Variants in TEX51 observed in about 807,000 individuals in gnomAD.
TEX51 encodes the protein testis expressed 51.
In TEX51, 14 loss-of-function variants were observed where a neutral mutation model predicts 8.0. That is an observed-to-expected ratio of 1.76 (90% CI 1.16 to 2.75). The LOEUF is 2.75. TEX51 is among the 30% of genes most tolerant of loss of function. The pLI, the probability that TEX51 is intolerant of heterozygous loss-of-function variation, is 0.00. For missense variants in TEX51, 142 were observed against 77.4 expected (o/e 1.83, Z -3.13); for synonymous variants, 58 against 28.6 (o/e 2.03, Z -3.29).
At position 126,898,903 on chromosome 2, in the gene TEX51, A is replaced by G. The variant is rs1024465115; in HGVS notation, c.-16A>G. 2.3e-5 allele frequency: 16 copies of G among 696,146 alleles called. No individual in the cohort carries two copies. The African/African-American group carries it at 2.8e-4, about 12-fold the overall frequency. The allele number at this position is 696,146 out of a possible 1,614,324, so 43.1% of individuals were successfully genotyped here. ...TCCAGGCAGGGCACTGGGGCACAGT[A>G]GGAGGAACCCAGAAGATGCTGCCTC... On this transcript the variant is annotated 5_prime_UTR_variant, in exon 1 of 7. Coordinates refer to ENST00000568484, the MANE Select transcript of TEX51 (RefSeq NM_001322244.2).
chr2:126,900,892 G>A (rs1019810265), intron 4 of TEX51, among the ~76,000 whole-genome samples: 3 of 152,130 alleles, frequency 2.0e-5, no homozygotes, highest in African/African-American at 7.2e-5. Context: ...CCCTTGAACT[G>A]ATCCCTTATT....
In TEX51 at chr2:126,902,053, A is replaced by C; in HGVS notation, c.*184A>C. On this transcript the variant is annotated 3_prime_UTR_variant, in exon 7 of 7. Transcript: ENST00000568484. ...TGTCTCGTGGTTTGCCTACTCCTACACCTTTGTAAAGAGTCTCTTCATTAA... is the reference window on the plus strand; with the variant it reads ...TGTCTCGTGGTTTGCCTACTCCTACCCCTTTGTAAAGAGTCTCTTCATTAA... 1 of 470,410 alleles carries C rather than the reference A, an allele frequency of 2.1e-6. No homozygotes were observed. The highest frequency in any genetic ancestry group is 3.8e-6 in the Non-Finnish European group (1 of 266,410). 29.1% of individuals were successfully genotyped at this position (470,410 alleles called of 1,614,324 possible). A position where few individuals can be genotyped will look rare whatever the true frequency, so the allele number is the denominator to read the frequency against.
In TEX51 at chr2:126,901,963, C is replaced by A; in HGVS notation, c.*94C>A. On this transcript the variant is annotated 3_prime_UTR_variant, in exon 7 of 7. Coordinates refer to ENST00000568484, the MANE Select transcript of TEX51 (RefSeq NM_001322244.2). Reference sequence around the variant, plus strand: ...ACTCATCTCTGGGTCCCGGTGACCCCATCCCCCCATACCCTCCATCCTGGG... The same window carrying A: ...ACTCATCTCTGGGTCCCGGTGACCCAATCCCCCCATACCCTCCATCCTGGG... 1.5e-6 allele frequency: 1 copy of A among 662,300 alleles called. No individual in the cohort carries two copies. 41.0% of individuals were successfully genotyped at this position (662,300 alleles called of 1,614,324 possible). A position where few individuals can be genotyped will look rare whatever the true frequency, so the allele number is the denominator to read the frequency against.
rs1553435112 is a variant in TEX51 at position 126,899,227 on chromosome 2, T to A, written c.156T>A (p.His52Gln). 1 of 702,088 alleles carries A rather than the reference T, an allele frequency of 1.4e-6. No individual in the cohort carries two copies. Among genetic ancestry groups the A allele is most frequent in the South Asian group, 1.5e-5 (1 of 67,572 alleles). 43.5% of individuals were successfully genotyped at this position (702,088 alleles called of 1,614,324 possible). A position where few individuals can be genotyped will look rare whatever the true frequency, so the allele number is the denominator to read the frequency against. The change falls in exon 2 of 7, where the codon CAT becomes CAA. Residue 52 changes from histidine to glutamine, a missense_variant. Transcript: ENST00000568484. ...GTATCTCATCCTCAGATCGTGACCA[T>A]TTGGAAGAAGAAACAGCCAAATTCT... ...PPTELSQNRD[H>Q]LEEETAKFFT...
chr2:126,901,691 C>T (rs1027296934), intron 6 of TEX51, among the ~76,000 whole-genome samples, 181 bp from the exon 7 acceptor site: 4 of 152,196 alleles, frequency 2.6e-5, no homozygotes, highest in Admixed American at 2.0e-4. Flanking sequence ...CCCTGCACAC[C>T]CCACCTTCAC....
intron 1 of TEX51, 69 bp downstream of exon 1, chr2:126,899,132 G>C (rs1212024557): frequency 2.9e-6 from 2 of 701,158 alleles, no homozygotes; most frequent in African/African-American, 3.5e-5. Flanking sequence ...GGCACAGCCA[G>C]GAGATCAGGG....
chr2:126,900,105 C>T lies in TEX51; in HGVS notation c.394+86C>T, dbSNP rs188172981. ...GCTGTCTCTGTCATTCTCTTTTGCC[C>T]AACTCAAGCTTTTCTTGTTCTTTAT... is the stretch of plus-strand genomic sequence containing the variant. On this transcript the variant is annotated intron_variant, in intron 4 of 6. Coordinates refer to ENST00000568484, the MANE Select transcript of TEX51 (RefSeq NM_001322244.2). The T allele has an allele frequency of 7.2e-4, 499 of 690,832 alleles. 1 individual carries two copies. The highest frequency in any genetic ancestry group is 1.1e-3 in the Non-Finnish European group (404 of 378,028). 42.8% of individuals were successfully genotyped at this position (690,832 alleles called of 1,614,324 possible).
At chr2:126,899,095 T>G (rs1271429255) in intron 1 of TEX51, 32 bp downstream of exon 1, 3 of 701,282 alleles carry the variant, frequency 4.3e-6, no homozygotes, top group Non-Finnish European at 7.8e-6. Context: ...AGGATAATAA[T>G]TTTCTCAAAC....
chr2:126,901,174 GC>G (rs1401818363), intron 4 of TEX51, 35 bp from the exon 5 acceptor site: 1 of 612,484 alleles, frequency 1.6e-6, no homozygotes, highest in Non-Finnish European at 2.9e-6. Flanking sequence ...GCCCTGCCTG[GC>G]CTCCAAACAC....
At chr2:126,900,441 A>G (rs1301716530) in intron 4 of TEX51, among the ~76,000 whole-genome samples, 8 of 151,782 alleles carry the variant, frequency 5.3e-5, no homozygotes, top group Non-Finnish European at 1.0e-4. Context: ...AAAAATGCCC[A>G]ATCCCATCAA....
rs1231855424 is a variant in TEX51, at chr2:126,899,484, T to A, written c.221-39T>A. ...GTCTGAAAACCCAACCTTGAGCAAG[T>A]TGTAACCCTGAACACCCCTTCCCTC... On this transcript the variant is annotated intron_variant, in intron 2 of 6. Coordinates refer to ENST00000568484, the MANE Select transcript of TEX51 (RefSeq NM_001322244.2). 7 of 690,964 alleles carry A rather than the reference T, an allele frequency of 1.0e-5. No homozygotes were observed. The East Asian group carries it at 1.9e-4, about 19-fold the overall frequency. 42.8% of individuals were successfully genotyped at this position (690,964 alleles called of 1,614,324 possible).
rs934221560 is a variant in TEX51 at position 126,901,533 on chromosome 2, G to A, written c.*2+129G>A. ...GGGTCTGGCGTGCAGAACAGAGTGG[G>A]ATCGAGGGCCAGGACTCTCAGGAGT... On this transcript the variant is annotated intron_variant, in intron 6 of 6. Coordinates refer to ENST00000568484, the MANE Select transcript of TEX51 (RefSeq NM_001322244.2). 9.5e-6 allele frequency: 6 copies of A among 632,410 alleles called. No homozygotes were observed. In the African/African-American group the frequency reaches 1.1e-4, roughly 12 times the overall value. The allele number at this position is 632,410 out of a possible 1,614,324, so 39.2% of individuals were successfully genotyped here.
intron 4 of TEX51, 68 bp from the exon 5 acceptor site, chr2:126,901,142 G>C: frequency 3.3e-6 from 2 of 600,074 alleles, no homozygotes; most frequent in Non-Finnish European, 6.0e-6. Context: ...GAGGATGGTG[G>C]CCTTCTCTCT....
intron 6 of TEX51, 74 bp from the exon 7 acceptor site, chr2:126,901,798 G>A: frequency 1.8e-6 from 1 of 568,522 alleles, no homozygotes; most frequent in Non-Finnish European, 3.1e-6. Flanking sequence ...CCAGGAGGAA[G>A]TTAGAGAGAC....
At chr2:126,900,375 C>T (rs13411697) in intron 4 of TEX51, among the ~76,000 whole-genome samples, 9,443 of 141,748 alleles carry the variant, frequency 0.067, 444 homozygotes, top group African/African-American at 0.13. Flanking sequence ...GGCTGGGCAA[C>T]AGAGCAAGAC....
chr2:126,899,499 C>A (rs1247902434), intron 2 of TEX51, 24 bp from the exon 3 acceptor site: 6 of 695,716 alleles, frequency 8.6e-6, no homozygotes, highest in South Asian at 6.1e-5. Context: ...ACCCTGAACA[C>A]CCCTTCCCTC....
At chr2:126,899,708 C>T (rs1680220443) in intron 3 of TEX51, 96 bp downstream of exon 3, 1 of 695,328 alleles carries the variant, frequency 1.4e-6, no homozygotes, top group Non-Finnish European at 2.6e-6. Flanking sequence ...CCTCGATCAT[C>T]CCCAGGAGCC....
At chr2:126,901,596 G>A (rs112158574) in intron 6 of TEX51, 192 bp downstream of exon 6, 8 of 602,010 alleles carry the variant, frequency 1.3e-5, no homozygotes, top group African/African-American at 5.6e-5. Context: ...ACATATTGGG[G>A]CCAGGGGCCC....
intron 1 of TEX51, 51 bp downstream of exon 1, chr2:126,899,114 C>T: frequency 1.4e-6 from 1 of 701,120 alleles, no homozygotes; most frequent in South Asian, 1.5e-5. Flanking sequence ...ACCCTGGTAC[C>T]TTGGTGAGGC....
Sources: allele counts gnomAD v4.1 joint callset (sites outside exome capture counted in the v4.1 genomes callset), GRCh38; gene constraint gnomAD v4.1.1; transcripts MANE v1.5; gene names NCBI Gene and HGNC (gene_info 2026-07-23, HGNC 2026-07-21).